The following FOXP1 variants were observed in gnomAD, a reference collection of about 807,000 sequenced individuals.
FOXP1 encodes forkhead box protein P1.
Under a neutral mutation model 98.2 loss-of-function variants are expected in FOXP1, and 15 were observed. The ratio of observed to expected loss-of-function variants is 0.15; its 90% CI spans 0.10 to 0.24. The LOEUF (loss-of-function observed/expected upper bound fraction) is 0.24. Ranked by LOEUF, FOXP1 falls within the 10% of genes least tolerant of loss-of-function variation. The pLI, the probability that FOXP1 is intolerant of heterozygous loss-of-function variation, is 1.00. For missense variants in FOXP1, 633 were observed against 848.5 expected, an observed-to-expected ratio of 0.75 and a Z score of 3.15; for synonymous variants, 371 against 314.5, an observed-to-expected ratio of 1.18 and a Z score of -1.90.
chr3:71,389,517 T>TG (rs2080878724), intron 3 of FOXP1, among the ~76,000 whole-genome samples: 1 of 151,916 alleles, frequency 6.6e-6, no homozygotes, highest in Non-Finnish European at 1.5e-5. Context: ...TTAAATAAGG[T>TG]GGAAAAAAAC....
intron 6 of FOXP1, among the ~76,000 whole-genome samples, chr3:71,181,807 C>T (rs1390434751): frequency 6.6e-6 from 1 of 151,894 alleles, no homozygotes; most frequent in Admixed American, 6.6e-5. Flanking sequence ...CTGAGGAGGA[C>T]GGATGATGAG....
chr3:71,291,049 C>T (rs950283779), intron 5 of FOXP1, among the ~76,000 whole-genome samples: 12 of 152,148 alleles, frequency 7.9e-5, no homozygotes, highest in African/African-American at 2.9e-4. Flanking sequence ...ACACAGCAAC[C>T]CTTCCCTCTG....
chr3:71,261,758 G>A (rs1653979), intron 5 of FOXP1, among the ~76,000 whole-genome samples: 22,529 of 152,010 alleles, frequency 0.15, 1,829 homozygotes, highest in African/African-American at 0.17. Context: ...TCGAGGGGAC[G>A]GAGGCAGAAA....
chr3:71,257,088 C>A (rs981766294), intron 5 of FOXP1, among the ~76,000 whole-genome samples: 1 of 152,118 alleles, frequency 6.6e-6, no homozygotes, highest in Admixed American at 6.6e-5. Context: ...TGCTGATTCA[C>A]GGGAGGAAGC....
chr3:70,999,304 G>A (rs1223675784), intron 13 of FOXP1, among the ~76,000 whole-genome samples: 1 of 152,086 alleles, frequency 6.6e-6, no homozygotes, highest in East Asian at 1.9e-4. Context: ...TGGCCAGGCT[G>A]GTCTCGAACT....
intron 3 of FOXP1, among the ~76,000 whole-genome samples, chr3:71,395,056 C>T (rs966957121): frequency 8.4e-5 from 12 of 143,492 alleles, no homozygotes; most frequent in Non-Finnish European, 1.2e-4. Flanking sequence ...GCCAAGATCG[C>T]GCCACTGCAC....
intron 19 of FOXP1, chr3:70,970,461 C>A: frequency 4.4e-6 from 2 of 454,396 alleles, no homozygotes; most frequent in Non-Finnish European, 8.1e-6. Flanking sequence ...AAGTGAAATT[C>A]TGAAATAAGA....
intron 5 of FOXP1, among the ~76,000 whole-genome samples, chr3:71,199,000 T>C (rs2063487432): frequency 6.6e-6 from 1 of 151,930 alleles, no homozygotes; most frequent in Non-Finnish European, 1.5e-5. Context: ...AAGATTAAAT[T>C]TTTCTTCTAT....
At chr3:71,513,327 C>T (rs2042331314) in intron 2 of FOXP1, among the ~76,000 whole-genome samples, 1 of 152,186 alleles carries the variant, frequency 6.6e-6, no homozygotes, top group African/African-American at 2.4e-5. Flanking sequence ...GGCCAATCAT[C>T]TTTGAGTCAA....
chr3:71,356,170 T>TAGTGA (rs1446604284), intron 4 of FOXP1, among the ~76,000 whole-genome samples: 1 of 144,494 alleles, frequency 6.9e-6, no homozygotes, highest in African/African-American at 2.6e-5. Flanking sequence ...TGAAAGCAGT[T>TAGTGA]AGTGAATTCT....
chr3:70,996,211 C>T (rs1207276534), intron 13 of FOXP1, among the ~76,000 whole-genome samples: 17 of 152,090 alleles, frequency 1.1e-4, no homozygotes, highest in Non-Finnish European at 2.2e-4. Flanking sequence ...CTCGAACTCC[C>T]GACCTTAGGT....
At chr3:71,299,669 G>C (rs2073679043) in intron 5 of FOXP1, among the ~76,000 whole-genome samples, 151 bp downstream of exon 5, 1 of 152,086 alleles carries the variant, frequency 6.6e-6, no homozygotes, top group Admixed American at 6.5e-5. Context: ...ATTTTTCTTA[G>C]GACCTCCAAA....
intron 3 of FOXP1, among the ~76,000 whole-genome samples, chr3:71,436,092 G>C (rs1016748312): frequency 2.0e-5 from 3 of 151,840 alleles, no homozygotes; most frequent in African/African-American, 4.8e-5. Flanking sequence ...TGATTTTTCA[G>C]GGAATGTGGG....
chr3:71,580,409 A>G (rs1009903056), intron 2 of FOXP1, among the ~76,000 whole-genome samples: 1 of 151,504 alleles, frequency 6.6e-6, no homozygotes, highest in Admixed American at 6.6e-5. Flanking sequence ...GGGGGAAAAA[A>G]ACAGTCCAAA....
At chr3:71,420,591 C>T (rs564158765) in intron 3 of FOXP1, among the ~76,000 whole-genome samples, 19 of 152,240 alleles carry the variant, frequency 1.2e-4, no homozygotes, top group African/African-American at 4.1e-4. Context: ...ACACATTCTA[C>T]ATATATGTAT....
chr3:71,359,008 GC>G (rs2078368684), intron 4 of FOXP1, 141 bp downstream of exon 4: 1 of 152,280 alleles, frequency 6.6e-6, no homozygotes, highest in Non-Finnish European at 1.5e-5. Context: ...GCATTCAAAT[GC>G]CTGCTAGCTT....
chr3:71,434,456 T>C (rs889148138), intron 3 of FOXP1, among the ~76,000 whole-genome samples: 5 of 152,146 alleles, frequency 3.3e-5, no homozygotes, highest in Admixed American at 6.5e-5. Flanking sequence ...GCTTCCAGGG[T>C]CCAGGAAGTA....
At chr3:70,969,187 A>G (rs368726867) in intron 19 of FOXP1, 1 of 149,956 alleles carries the variant, frequency 6.7e-6, no homozygotes. Context: ...ATACTATTCC[A>G]TATTCCAGAT....
intron 4 of FOXP1, among the ~76,000 whole-genome samples, chr3:71,306,631 CAAAAAAAAAAAA>C (rs66479255): frequency 1.6e-4 from 7 of 42,854 alleles, no homozygotes; most frequent in Non-Finnish European, 2.1e-4. Context: ...GAGAATAAGC[CAAAAAAAAAAAA>C]AAAAAAAAAA....
Sources: gnomAD v4.1 joint callset for allele counts (sites outside exome capture counted in the v4.1 genomes callset) on GRCh38, gnomAD v4.1.1 for gene constraint, MANE v1.5 for transcripts, NCBI Gene and HGNC (gene_info 2026-07-23, HGNC 2026-07-21) for gene names.